ABTB2: variants seen among roughly 807,000 people sequenced by gnomAD.
The protein encoded by ABTB2 is ankyrin repeat and BTB/POZ domain-containing protein 2.
In ABTB2, 56 loss-of-function variants were observed where a neutral mutation model predicts 104.1. The observed-to-expected ratio is 0.54, with a 90% CI of 0.43 to 0.67. ABTB2 has a LOEUF of 0.67. Ranked by LOEUF, ABTB2 falls within the 30% of genes least tolerant of loss-of-function variation. The probability of loss-of-function intolerance (pLI) is 0.00; values close to 1 mark genes in which losing one functional copy is unlikely to be tolerated. For missense variants in ABTB2, 1,279 were observed against 1,407.7 expected (o/e 0.91, Z 1.46); for synonymous variants, 606 against 608.2 (o/e 1.00, Z 0.05).
At chr11:34,253,653 G>A (rs972494583) in intron 1 of ABTB2, among the ~76,000 whole-genome samples, 2 of 150,306 alleles carry the variant, frequency 1.3e-5, no homozygotes, top group Admixed American at 1.3e-4. Flanking sequence ...TCCAGTCTGC[G>A]CAATAGAGCG....
intron 1 of ABTB2, among the ~76,000 whole-genome samples, chr11:34,255,598 C>T (rs1363605605): frequency 6.6e-6 from 1 of 151,970 alleles, no homozygotes; most frequent in Admixed American, 6.6e-5. Context: ...AACTTCAACT[C>T]AAGTTCAACT....
chr11:34,188,917 G>A (rs549743517), intron 3 of ABTB2, among the ~76,000 whole-genome samples: 10 of 152,276 alleles, frequency 6.6e-5, no homozygotes, highest in Admixed American at 2.6e-4. Context: ...TACCTCACTC[G>A]TATCAGGGCA....
chr11:34,185,768 G>GACTA (rs763935460), intron 3 of ABTB2, among the ~76,000 whole-genome samples: 12 of 152,130 alleles, frequency 7.9e-5, no homozygotes, highest in Non-Finnish European at 1.0e-4. Context: ...ACAGTATGAT[G>GACTA]ACTATAGTTA....
chr11:34,298,995 T>A (rs1418584994), intron 1 of ABTB2, among the ~76,000 whole-genome samples: 1 of 152,232 alleles, frequency 6.6e-6, no homozygotes, highest in Non-Finnish European at 1.5e-5. Context: ...TAAGGTTGCA[T>A]AGGAGCTTTT....
At chr11:34,244,053 G>C (rs1853952796) in intron 1 of ABTB2, among the ~76,000 whole-genome samples, 1 of 152,208 alleles carries the variant, frequency 6.6e-6, no homozygotes, top group Non-Finnish European at 1.5e-5. Flanking sequence ...TTCAGTGCCT[G>C]TCCCAAGCTA....
chr11:34,229,421 C>T (rs1853739065), intron 1 of ABTB2, among the ~76,000 whole-genome samples: 1 of 148,960 alleles, frequency 6.7e-6, no homozygotes. Flanking sequence ...GTGGAGCTTG[C>T]AGTGAGCAGA....
chr11:34,298,383 T>C (rs1405604895), intron 1 of ABTB2, among the ~76,000 whole-genome samples: 1 of 151,008 alleles, frequency 6.6e-6, no homozygotes, highest in African/African-American at 2.4e-5. Flanking sequence ...GAAAGAAACC[T>C]GGGGTAGGGG....
chr11:34,337,412 G>A (rs866143887), intron 1 of ABTB2, among the ~76,000 whole-genome samples: 4 of 152,228 alleles, frequency 2.6e-5, no homozygotes, highest in East Asian at 1.9e-4. Flanking sequence ...CCAAAGGGCC[G>A]TACCTTGAGG....
At chr11:34,340,038 A>G (rs1855243225) in intron 1 of ABTB2, among the ~76,000 whole-genome samples, 1 of 140,588 alleles carries the variant, frequency 7.1e-6, no homozygotes. Flanking sequence ...TAGCCCCACC[A>G]TCCTCCAAAC....
In ABTB2 at chr11:34,172,416, A is replaced by ATG. The variant is rs1420840744; in HGVS notation, c.1397+738_1397+739insCA. 4.8e-3 allele frequency among the ~76,000 whole-genome samples: 302 copies of ATG among 63,360 alleles called. 10 individuals carry two copies. The highest frequency in any genetic ancestry group is 8.8e-3 in the Non-Finnish European group (260 of 29,624). 41.6% of individuals were successfully genotyped at this position (63,360 alleles called of 152,430 possible). The stretch of plus-strand genomic sequence containing the variant: ...AAAAAATATATATATATATATATAT[A>ATG]TATGTGTGTGTGTGTGTGTATATAG... On this transcript the variant is annotated intron_variant, in intron 4 of 16. Transcript: ENST00000435224.
chr11:34,354,931 T>C (rs1369318916), intron 1 of ABTB2, among the ~76,000 whole-genome samples: 2 of 152,192 alleles, frequency 1.3e-5, no homozygotes, highest in African/African-American at 4.8e-5. Flanking sequence ...GGAAATCCCC[T>C]GGCCCTCCAC....
chr11:34,307,307 C>A (rs953694798), intron 1 of ABTB2, among the ~76,000 whole-genome samples: 1 of 152,200 alleles, frequency 6.6e-6, no homozygotes, highest in Non-Finnish European at 1.5e-5. Flanking sequence ...CTCTAAAACA[C>A]CTGTGAGATC....
chr11:34,213,204 G>A (rs551027494), intron 1 of ABTB2, among the ~76,000 whole-genome samples: 7 of 152,310 alleles, frequency 4.6e-5, no homozygotes, highest in Non-Finnish European at 7.3e-5. Context: ...CTGACCAGGC[G>A]CAGTGGCTCA....
At chr11:34,232,697 G>A (rs1853788478) in intron 1 of ABTB2, among the ~76,000 whole-genome samples, 5 of 152,138 alleles carry the variant, frequency 3.3e-5, no homozygotes, top group African/African-American at 2.4e-5. Flanking sequence ...GTTGGTCAGG[G>A]GGCATGGTGG....
At chr11:34,294,142 G>C (rs904627185) in intron 1 of ABTB2, among the ~76,000 whole-genome samples, 1 of 152,112 alleles carries the variant, frequency 6.6e-6, no homozygotes, top group African/African-American at 2.4e-5. Flanking sequence ...GATCAGCCTG[G>C]GTAATATGGC....
rs188857776 is a variant in ABTB2, at chr11:34,279,197, T to C, written c.884-74507A>G. ...ATGAGCATTACTAAGGTGCTATTTA[T>C]TCATTAGCACCACCAGTTCCTGAAA... On this transcript the variant is annotated intron_variant, in intron 1 of 16. Coordinates refer to ENST00000435224, the MANE Select transcript of ABTB2 (RefSeq NM_145804.3). 2.6e-3 allele frequency among the ~76,000 whole-genome samples: 390 copies of C among 152,340 alleles called. 3 individuals carry two copies. The highest frequency in any genetic ancestry group is 0.017 in the Middle Eastern group (5 of 294).
At chr11:34,216,725 C>T (rs1853552715) in intron 1 of ABTB2, among the ~76,000 whole-genome samples, 1 of 151,980 alleles carries the variant, frequency 6.6e-6, no homozygotes, top group Admixed American at 6.6e-5. Flanking sequence ...GCACTCCAGC[C>T]TGAGCAACAA....
chr11:34,160,595 A>T (rs1468705259), intron 11 of ABTB2, among the ~76,000 whole-genome samples: 2 of 139,876 alleles, frequency 1.4e-5, no homozygotes, highest in African/African-American at 5.2e-5. Flanking sequence ...CGCAAGTCTA[A>T]GTCTGGGTGC....
chr11:34,152,038 T>G lies in ABTB2; in HGVS notation c.*349A>C. ...TCTGAGTTTACTGAGGCCCTAGGGG[T>G]GAGTAGAGCTTGGAGGGCCTGGGCG... On this transcript the variant is annotated 3_prime_UTR_variant, in exon 17 of 17. Coordinates refer to ENST00000435224, the MANE Select transcript of ABTB2 (RefSeq NM_145804.3). 1 of 318,168 alleles carries G rather than the reference T, an allele frequency of 3.1e-6. No homozygotes were observed. 19.7% of individuals were successfully genotyped at this position (318,168 alleles called of 1,614,324 possible).
Sources: allele counts gnomAD v4.1 joint callset (sites outside exome capture counted in the v4.1 genomes callset), GRCh38; gene constraint gnomAD v4.1.1; transcripts MANE v1.5; gene names NCBI Gene and HGNC (gene_info 2026-07-23, HGNC 2026-07-21).